Variants in PTK2 observed in about 807,000 individuals in gnomAD.
PTK2 encodes the protein focal adhesion kinase 1.
PTK2 carries 45 observed loss-of-function variants against 150.1 expected under a neutral mutation model. That is an observed-to-expected ratio of 0.30 (90% CI 0.24 to 0.38). The LOEUF (loss-of-function observed/expected upper bound fraction) is 0.38. Among genes scored for constraint, PTK2 ranks in the 10% least tolerant of loss-of-function variants. The probability of loss-of-function intolerance (pLI) is 1.00; values close to 1 mark genes in which losing one functional copy is unlikely to be tolerated. For synonymous variants in PTK2, 432 were observed against 449.2 expected, an observed-to-expected ratio of 0.96 and a Z score of 0.48; for missense variants, 919 against 1,307.3, an observed-to-expected ratio of 0.70 and a Z score of 4.58.
chr8:140,936,846 G>A (rs553331819), intron 1 of PTK2, among the ~76,000 whole-genome samples: 94 of 149,232 alleles, frequency 6.3e-4, no homozygotes, highest in Middle Eastern at 6.8e-3. Flanking sequence ...TAGGACAAAG[G>A]ATATTCTAGA....
intron 22 of PTK2, among the ~76,000 whole-genome samples, chr8:140,727,008 TTAACTC>T (rs1001667356): frequency 6.6e-5 from 10 of 152,192 alleles, no homozygotes; most frequent in Non-Finnish European, 1.0e-4. Context: ...AGTACAATGA[TTAACTC>T]TAACTAAACT....
intron 1 of PTK2, among the ~76,000 whole-genome samples, chr8:140,947,310 C>T (rs2100178023): frequency 6.6e-6 from 1 of 152,296 alleles, no homozygotes; most frequent in East Asian, 1.9e-4. Flanking sequence ...TCAACTATCC[C>T]CACATCATCA....
rs570130391 is a variant in PTK2 at position 140,728,897 on chromosome 8, C to G, written c.2030+6354G>C. On this transcript the variant is annotated intron_variant, in intron 22 of 31. Coordinates refer to ENST00000522684, the Ensembl canonical transcript of PTK2. ...TACAAGGGAGGCTTAGTAACTTGCC[C>G]AAGGCCACATAATCTTTTAAACATT... Among the ~76,000 whole-genome samples the G allele has an allele frequency of 3.9e-5, 6 of 152,210 alleles. No homozygotes were observed. The East Asian group carries it at 9.7e-4, about 24-fold the overall frequency.
chr8:140,937,585 T>TA (rs35149796), intron 1 of PTK2, among the ~76,000 whole-genome samples: 64,039 of 129,944 alleles, frequency 0.49, 14,670 homozygotes, highest in Non-Finnish European at 0.57. Context: ...AAGTAAACAA[T>TA]AAAAAAAAAA....
rs547421834 is a variant in PTK2, at chr8:140,745,158, A to G, written c.1519-391T>C. On this transcript the variant is annotated intron_variant, in intron 18 of 31. Coordinates refer to ENST00000522684, the Ensembl canonical transcript of PTK2. ...ACACAGTCAGTTATCTCCACTTCAAACCTTACTGTGGCTCTGCGAAGGTAT... is the reference window on the plus strand; with the variant it reads ...ACACAGTCAGTTATCTCCACTTCAAGCCTTACTGTGGCTCTGCGAAGGTAT... Among the ~76,000 whole-genome samples, 5 of 152,326 alleles carry G rather than the reference A, an allele frequency of 3.3e-5. No individual in the cohort carries two copies. In the South Asian group the frequency reaches 8.3e-4, roughly 25 times the overall value.
intron 14 of PTK2, among the ~76,000 whole-genome samples, chr8:140,767,544 G>A (rs1466676242): frequency 1.3e-5 from 2 of 151,966 alleles, no homozygotes; most frequent in African/African-American, 2.4e-5. Context: ...GGAGTACAGT[G>A]GTGCAATCTT....
rs370537018 is a variant in PTK2 at position 140,820,076 on chromosome 8, GTTTTTTTTTTTTTTTTTTTTTTTTTTT to G, written c.649-1083_649-1057del. 5.8e-4 allele frequency among the ~76,000 whole-genome samples: 29 copies of G among 50,258 alleles called. 1 individual carries two copies. The highest frequency in any genetic ancestry group is 1.5e-3 in the South Asian group (2 of 1,318). 33.0% of individuals were successfully genotyped at this position (50,258 alleles called of 152,430 possible). On this transcript the variant is annotated intron_variant, in intron 8 of 31. Coordinates refer to ENST00000522684, the Ensembl canonical transcript of PTK2. The stretch of plus-strand genomic sequence containing the variant: ...AGAGGAGTGACTTTATCTGACTTTG[GTTTTTTTTTTTTTTTTTTTTTTTTTTT>G]TTTTTTTTTTTTTTTAAATAGGGTC...
At chr8:140,663,249 G>A (rs2083489815) in intron 31 of PTK2, among the ~76,000 whole-genome samples, 1 of 120,238 alleles carries the variant, frequency 8.3e-6, no homozygotes. Context: ...CATAGACAAT[G>A]GAGCAAGGTG....
intron 22 of PTK2, among the ~76,000 whole-genome samples, chr8:140,725,070 T>C (rs994923708): frequency 2.6e-5 from 4 of 152,254 alleles, no homozygotes; most frequent in African/African-American, 4.8e-5. Context: ...TGTTTGGTTA[T>C]TGTGCTGTAT....
At chr8:140,759,085 G>A (rs1357975870) in intron 16 of PTK2, among the ~76,000 whole-genome samples, 1 of 152,088 alleles carries the variant, frequency 6.6e-6, no homozygotes, top group Non-Finnish European at 1.5e-5. Context: ...ACCGTGTAAC[G>A]TTTGCACGAT....
chr8:141,001,591 T>A (rs1385843831), upstream of PTK2, among the ~76,000 whole-genome samples: 2 of 152,072 alleles, frequency 1.3e-5, no homozygotes, highest in Non-Finnish European at 2.9e-5. Flanking sequence ...GGGTCCCACC[T>A]GCCTCGCTCT....
At chr8:140,958,803 A>G (rs886116628) in intron 1 of PTK2, among the ~76,000 whole-genome samples, 1 of 152,392 alleles carries the variant, frequency 6.6e-6, no homozygotes, top group Non-Finnish European at 1.5e-5. Flanking sequence ...TTTAGCTTCT[A>G]GAAAAATTTA....
intron 31 of PTK2, chr8:140,662,674 C>G (rs768652102): frequency 1.5e-4 from 85 of 572,154 alleles, no homozygotes; most frequent in Admixed American, 4.4e-5. Context: ...GGAGTTGTGT[C>G]CAACCGTCCT....
intron 1 of PTK2, among the ~76,000 whole-genome samples, chr8:140,978,811 C>CATT (rs200924692): frequency 2.5e-4 from 37 of 150,882 alleles, no homozygotes; most frequent in Non-Finnish European, 4.0e-4. Context: ...CACATGCACA[C>CATT]ATGTTTATTG....
At chr8:140,860,228 T>G (rs1439279693) in intron 5 of PTK2, among the ~76,000 whole-genome samples, 2 of 152,094 alleles carry the variant, frequency 1.3e-5, no homozygotes, top group South Asian at 4.1e-4. Flanking sequence ...TCTAATTTCT[T>G]TCTTGTTACT....
chr8:140,872,476 T>C (rs2100143103), intron 4 of PTK2, among the ~76,000 whole-genome samples: 1 of 152,226 alleles, frequency 6.6e-6, no homozygotes, highest in Non-Finnish European at 1.5e-5. Flanking sequence ...TCCTAACAAA[T>C]ACTACCTACT....
chr8:140,976,270 A>C (rs2100189220), intron 1 of PTK2, among the ~76,000 whole-genome samples: 1 of 152,192 alleles, frequency 6.6e-6, no homozygotes, highest in African/African-American at 2.4e-5. Flanking sequence ...CTCTACAAAA[A>C]TCACAATACC....
intron 1 of PTK2, chr8:140,984,288 C>A (rs1350029005): frequency 1.3e-5 from 2 of 152,552 alleles, no homozygotes; most frequent in African/African-American, 2.4e-5. Flanking sequence ...GGATTCTGAC[C>A]CCAACTCCAT....
At chr8:140,940,564 C>G (rs2100175343) in intron 1 of PTK2, 1 of 152,226 alleles carries the variant, frequency 6.6e-6, no homozygotes, top group Admixed American at 6.5e-5. Flanking sequence ...TGACCATGGT[C>G]TACAGCCATG....
Sources: gnomAD v4.1 joint callset for allele counts (sites outside exome capture counted in the v4.1 genomes callset) on GRCh38, gnomAD v4.1.1 for gene constraint, MANE v1.5 for transcripts, NCBI Gene and HGNC (gene_info 2026-07-23, HGNC 2026-07-21) for gene names.